The following CCDC50 variants were observed in gnomAD, a reference collection of about 807,000 sequenced individuals.
CCDC50 encodes the protein coiled-coil domain-containing protein 50.
CCDC50 carries 54 observed loss-of-function variants against 70.2 expected under a neutral mutation model. The ratio of observed to expected loss-of-function variants is 0.77; its 90% CI spans 0.62 to 0.96. The LOEUF (loss-of-function observed/expected upper bound fraction) is 0.96. Among genes scored for constraint, CCDC50 ranks in the 50% least tolerant of loss-of-function variants. CCDC50 has a pLI of 0.00. For synonymous variants in CCDC50, 216 were observed against 198.8 expected, an observed-to-expected ratio of 1.09 and a Z score of -0.73; for missense variants, 558 against 578.7, an observed-to-expected ratio of 0.96 and a Z score of 0.37.
intron 10 of CCDC50, among the ~76,000 whole-genome samples, chr3:191,384,166 C>T (rs940428055): frequency 6.6e-6 from 1 of 151,630 alleles, no homozygotes. Context: ...ATCAAATGAT[C>T]CTGTATTAAA....
chr3:191,398,642 T>C lies in CCDC50; in HGVS notation c.*6882T>C, dbSNP rs1713938585. 6.6e-6 allele frequency: 1 copy of C among 152,186 alleles called. No homozygotes were observed. Among genetic ancestry groups the C allele is most frequent in the Non-Finnish European group, 1.5e-5 (1 of 68,030 alleles). 9.4% of individuals were successfully genotyped at this position (152,186 alleles called of 1,614,324 possible). A position where few individuals can be genotyped will look rare whatever the true frequency, so the allele number is the denominator to read the frequency against. On this transcript the variant is annotated 3_prime_UTR_variant, in exon 12 of 12. Transcript: ENST00000392455. ...ATGCCTGGTGTATTGAAATCCTCAATAAATACTGCCAAGTGTGGATCAGTT... is the reference window on the plus strand; with the variant it reads ...ATGCCTGGTGTATTGAAATCCTCAACAAATACTGCCAAGTGTGGATCAGTT...
At chr3:191,380,639 A>C (rs774872426) in intron 7 of CCDC50, 48 bp from the exon 8 acceptor site, 2 of 1,555,290 alleles carry the variant, frequency 1.3e-6, no homozygotes, top group Admixed American at 3.5e-5. Context: ...AAAATGCACA[A>C]CATAGATTCC....
At chr3:191,379,397 C>T (rs946900886) in intron 6 of CCDC50, among the ~76,000 whole-genome samples, 1 of 152,084 alleles carries the variant, frequency 6.6e-6, no homozygotes, top group Non-Finnish European at 1.5e-5. Flanking sequence ...GATAAGTAAT[C>T]TTGTTCACTG....
In CCDC50 at chr3:191,358,102, C is replaced by G. The variant is rs769324926; in HGVS notation, c.217C>G (p.Leu73Val). ...QEEDLKAQAQ[L>V]QKRYKDLEQQ... ...GGAAGATCTGAAAGCGCAGGCCCAG[C>G]TCCAGAAGCGCTACAAAGACCTGTG... is the stretch of plus-strand genomic sequence containing the variant. Residue 73 changes from leucine to valine, a missense_variant, in exon 3 of 12, where the codon CTC becomes GTC. Coordinates refer to ENST00000392455, the MANE Select transcript of CCDC50 (RefSeq NM_178335.3). 2 of 1,613,784 alleles carry G rather than the reference C, an allele frequency of 1.2e-6. No homozygotes were observed. Among genetic ancestry groups the G allele is most frequent in the Non-Finnish European group, 1.7e-6 (2 of 1,179,916 alleles).
intron 1 of CCDC50, among the ~76,000 whole-genome samples, chr3:191,345,431 A>G (rs1042136849): frequency 6.6e-6 from 1 of 152,074 alleles, no homozygotes. Flanking sequence ...CTACCTTGCT[A>G]CCTTTTCCCT....
At position 191,375,395 on chromosome 3, in the gene CCDC50, A is replaced by C. The variant is rs1198540472; in HGVS notation, c.782A>C (p.Gln261Pro). The change falls in exon 6 of 12, where the codon CAG (glutamine) becomes CCG (proline). Residue 261 changes from glutamine (Q) to proline (P), a missense_variant. Transcript: ENST00000392455. ...GACTGGGAGACTAAGATTAACCATC[A>C]GACTCGAAATTGGGAAAAACAGTCT... ...CDDWETKINH[Q>P]TRNWEKQSRH... 1.2e-6 allele frequency: 2 copies of C among 1,613,838 alleles called. No individual in the cohort carries two copies. Among genetic ancestry groups the C allele is most frequent in the Non-Finnish European group, 1.7e-6 (2 of 1,179,872 alleles).
In CCDC50 at chr3:191,375,581, A is replaced by G; in HGVS notation, c.968A>G (p.His323Arg). The stretch of plus-strand genomic sequence containing the variant: ...GAGAGTGAGGAGCAGCTCCACCTCC[A>G]TGACGCAGGTAATAGAGGACAGTCT... ...FSESEEQLHL[H>R]DAGMKPRVMK... The change falls in exon 6 of 12, where the codon CAT (histidine) becomes CGT (arginine). Residue 323 changes from histidine (H) to arginine (R), a missense_variant. Transcript: ENST00000392455. 1 of 1,613,048 alleles carries G rather than the reference A, an allele frequency of 6.2e-7. No homozygotes were observed. The highest frequency in any genetic ancestry group is 2.2e-5 in the East Asian group (1 of 44,784).
chr3:191,378,208 T>A (rs1713184208), intron 6 of CCDC50, among the ~76,000 whole-genome samples: 1 of 152,162 alleles, frequency 6.6e-6, no homozygotes, highest in Non-Finnish European at 1.5e-5. Flanking sequence ...TATTTGGAAC[T>A]GAGAGATATT....
At chr3:191,339,947 G>A (rs148895024) in intron 1 of CCDC50, among the ~76,000 whole-genome samples, 2,942 of 152,304 alleles carry the variant, frequency 0.019, 52 homozygotes, top group Non-Finnish European at 0.028. Context: ...GAAATCAGCA[G>A]CAGCAATGAA....
At chr3:191,335,279 A>G (rs145505213) in intron 1 of CCDC50, among the ~76,000 whole-genome samples, 1 of 152,330 alleles carries the variant, frequency 6.6e-6, no homozygotes, top group East Asian at 1.9e-4. Context: ...GCTTTGATCC[A>G]TAGAGGAGAA....
intron 1 of CCDC50, among the ~76,000 whole-genome samples, chr3:191,337,072 TTGTC>T (rs142011490): frequency 0.09 from 13,740 of 152,220 alleles, 658 homozygotes; most frequent in East Asian, 0.24. Flanking sequence ...CATATTGTCT[TTGTC>T]TGCTTACATA....
At chr3:191,377,298 T>G (rs1458096350) in intron 6 of CCDC50, among the ~76,000 whole-genome samples, 4 of 152,158 alleles carry the variant, frequency 2.6e-5, no homozygotes, top group Non-Finnish European at 5.9e-5. Flanking sequence ...AAAGCACAAT[T>G]CTTAAAGTTG....
intron 3 of CCDC50, among the ~76,000 whole-genome samples, chr3:191,358,767 G>T (rs1305604053): frequency 6.6e-6 from 1 of 152,102 alleles, no homozygotes; most frequent in Non-Finnish European, 1.5e-5. Context: ...TTTCTTCTTT[G>T]AGAGTGGCTC....
At position 191,392,662 on chromosome 3, in the gene CCDC50, G is replaced by A. The variant is rs1247289533; in HGVS notation, c.*902G>A. ...CCTCTCAATAATGTTTGGTTTACATGCCAGTAATTAAATTAATTCAACATG... is the reference window on the plus strand; with the variant it reads ...CCTCTCAATAATGTTTGGTTTACATACCAGTAATTAAATTAATTCAACATG... On this transcript the variant is annotated 3_prime_UTR_variant, in exon 12 of 12. Coordinates refer to ENST00000392455, the MANE Select transcript of CCDC50 (RefSeq NM_178335.3). 6.6e-6 allele frequency: 1 copy of A among 152,198 alleles called. No homozygotes were observed. The highest frequency in any genetic ancestry group is 2.4e-5 in the African/African-American group (1 of 41,450). 9.4% of individuals were successfully genotyped at this position (152,198 alleles called of 1,614,324 possible).
intron 4 of CCDC50, among the ~76,000 whole-genome samples, chr3:191,366,072 A>G (rs1712676998): frequency 6.6e-6 from 1 of 152,110 alleles, no homozygotes; most frequent in South Asian, 2.1e-4. Flanking sequence ...CTTGGGAAAG[A>G]TGTGTGGGGA....
rs1316557686 is a variant in CCDC50, at chr3:191,395,647, T to C, written c.*3887T>C. ...TTGCAGCCAAAGGCTTTTTCCCTTT[T>C]GAGAAGACGGTATTTGTGTAAGGAG... On this transcript the variant is annotated 3_prime_UTR_variant, in exon 12 of 12. Transcript: ENST00000392455. The C allele has an allele frequency of 6.6e-6, 1 of 152,188 alleles. No homozygotes were observed. Among genetic ancestry groups the C allele is most frequent in the Non-Finnish European group, 1.5e-5 (1 of 68,000 alleles). 9.4% of individuals were successfully genotyped at this position (152,188 alleles called of 1,614,324 possible). A position where few individuals can be genotyped will look rare whatever the true frequency, so the allele number is the denominator to read the frequency against.
At chr3:191,370,486 G>T (rs1470342510) in intron 5 of CCDC50, among the ~76,000 whole-genome samples, 2 of 139,974 alleles carry the variant, frequency 1.4e-5, no homozygotes, top group Non-Finnish European at 3.1e-5. Context: ...TTGTTTTTTT[G>T]TTTTTTTTTT....
chr3:191,357,476 C>A (rs1347606761), intron 2 of CCDC50, among the ~76,000 whole-genome samples: 1 of 152,160 alleles, frequency 6.6e-6, no homozygotes. Flanking sequence ...TCTATTCTTG[C>A]TCCTAGGATA....
At chr3:191,388,389 A>T (rs1713568816) in intron 10 of CCDC50, among the ~76,000 whole-genome samples, 1 of 152,166 alleles carries the variant, frequency 6.6e-6, no homozygotes, top group Non-Finnish European at 1.5e-5. Context: ...AGCTGTGTGA[A>T]AATGGACAGA....
Sources: allele counts gnomAD v4.1 joint callset (sites outside exome capture counted in the v4.1 genomes callset), GRCh38; gene constraint gnomAD v4.1.1; transcripts MANE v1.5; gene names NCBI Gene and HGNC (gene_info 2026-07-23, HGNC 2026-07-21).